The following ESR1 variants were observed in gnomAD, a reference collection of about 807,000 sequenced individuals.
ESR1 encodes the protein estrogen receptor 1, also known as estrogen receptor.
Under a neutral mutation model 52.7 loss-of-function variants are expected in ESR1, and 12 were observed. The observed-to-expected ratio is 0.23, with a 90% CI of 0.15 to 0.37. ESR1 has a LOEUF of 0.37. ESR1 is among the 10% of genes least tolerant of loss of function. ESR1 has a pLI of 1.00. For synonymous variants in ESR1, 305 were observed against 316.8 expected, an observed-to-expected ratio of 0.96 and a Z score of 0.39; for missense variants, 584 against 779.7, an observed-to-expected ratio of 0.75 and a Z score of 2.99.
intron 2 of ESR1, among the ~76,000 whole-genome samples, chr6:151,788,235 A>G (rs1373925241): frequency 6.6e-6 from 1 of 152,224 alleles, no homozygotes; most frequent in Non-Finnish European, 1.5e-5. Flanking sequence ...ACTATCCAGC[A>G]TCTATAAGGA....
At chr6:151,956,235 T>C (rs1389098986) in intron 4 of ESR1, among the ~76,000 whole-genome samples, 1 of 152,236 alleles carries the variant, frequency 6.6e-6, no homozygotes, top group Admixed American at 6.5e-5. Context: ...CCTTTGAGTA[T>C]ATACCCAGTA....
At chr6:151,988,478 C>A (rs560269711) in intron 4 of ESR1, among the ~76,000 whole-genome samples, 1 of 152,040 alleles carries the variant, frequency 6.6e-6, no homozygotes, top group South Asian at 2.1e-4. Flanking sequence ...TCCTGTTGGG[C>A]GGCCCAGTTC....
At chr6:151,692,290 C>T (rs1398202279) in intron 1 of ESR1, among the ~76,000 whole-genome samples, 1 of 152,224 alleles carries the variant, frequency 6.6e-6, no homozygotes, top group Non-Finnish European at 1.5e-5. Context: ...GTATTTACAT[C>T]AGGCATCTGC....
chr6:152,035,720 T>C (rs1184254489), intron 5 of ESR1, among the ~76,000 whole-genome samples: 1 of 152,114 alleles, frequency 6.6e-6, no homozygotes, highest in Non-Finnish European at 1.5e-5. Context: ...ATAAGCACAT[T>C]GACTAAATAA....
intron 6 of ESR1, among the ~76,000 whole-genome samples, chr6:152,117,047 C>T (rs563133134): frequency 1.3e-5 from 2 of 152,296 alleles, no homozygotes; most frequent in South Asian, 4.1e-4. Context: ...AGCCCTAGGG[C>T]TGAATGTGGT....
At chr6:152,020,071 GC>G in intron 5 of ESR1, among the ~76,000 whole-genome samples, 1 of 152,304 alleles carries the variant, frequency 6.6e-6, no homozygotes, top group East Asian at 1.9e-4. Flanking sequence ...GCCCTCACCA[GC>G]CTCTCATCAT....
At chr6:151,743,910 C>T (rs1387087464) in intron 2 of ESR1, among the ~76,000 whole-genome samples, 1 of 152,122 alleles carries the variant, frequency 6.6e-6, no homozygotes. Context: ...CCTTTAGTCA[C>T]TTCCCATTTC....
At chr6:151,841,687 C>T (rs1197224076) in intron 1 of ESR1, among the ~76,000 whole-genome samples, 1 of 151,706 alleles carries the variant, frequency 6.6e-6, no homozygotes, top group Non-Finnish European at 1.5e-5. Flanking sequence ...TTTTCAGTTT[C>T]CTTTCTGTGT....
downstream of ESR1, among the ~76,000 whole-genome samples, chr6:152,106,675 A>G (rs1294607303): frequency 6.6e-6 from 1 of 152,162 alleles, no homozygotes; most frequent in South Asian, 2.1e-4. Flanking sequence ...TGTAGCCTCC[A>G]TGTTCCAGGC....
intron 6 of ESR1, among the ~76,000 whole-genome samples, chr6:152,072,633 C>T (rs1562754099): frequency 6.6e-6 from 1 of 152,152 alleles, no homozygotes; most frequent in East Asian, 1.9e-4. Context: ...CCCGAAGGAC[C>T]AAGTGCTGTC....
chr6:151,810,951 G>A (rs1778738598), intron 1 of ESR1: 1 of 152,156 alleles, frequency 6.6e-6, no homozygotes, highest in Admixed American at 6.5e-5. Context: ...AATTAGGTTG[G>A]TGTCTTTAGT....
At chr6:151,968,084 T>C (rs1184963988) in intron 4 of ESR1, among the ~76,000 whole-genome samples, 2 of 152,098 alleles carry the variant, frequency 1.3e-5, no homozygotes, top group Admixed American at 6.6e-5. Context: ...CATAGACTGA[T>C]GGAACAGAAC....
chr6:152,037,195 G>A (rs1484624246), intron 5 of ESR1, among the ~76,000 whole-genome samples: 1 of 152,004 alleles, frequency 6.6e-6, no homozygotes, highest in East Asian at 1.9e-4. Context: ...CGTATGGTCG[G>A]GCCTAAAGCC....
At chr6:151,695,462 G>A (rs183976445) in intron 1 of ESR1, among the ~76,000 whole-genome samples, 75 of 152,276 alleles carry the variant, frequency 4.9e-4, no homozygotes, top group East Asian at 1.9e-4. Context: ...ATAGGAGAGT[G>A]CCACTGGCTT....
At chr6:151,762,023 C>A (rs1374112700) in intron 2 of ESR1, among the ~76,000 whole-genome samples, 2 of 152,226 alleles carry the variant, frequency 1.3e-5, no homozygotes, top group Middle Eastern at 3.2e-3. Flanking sequence ...CACATCAGAA[C>A]CCTCTGGGGA....
intron 1 of ESR1, among the ~76,000 whole-genome samples, chr6:151,698,880 C>T (rs571283016): frequency 1.3e-5 from 2 of 152,136 alleles, no homozygotes; most frequent in African/African-American, 2.4e-5. Context: ...TGCTCTTGTC[C>T]GTTTGACGGT....
chr6:151,962,768 T>G (rs1367851681), intron 4 of ESR1, among the ~76,000 whole-genome samples: 1 of 152,206 alleles, frequency 6.6e-6, no homozygotes. Flanking sequence ...CCTTTCAAGT[T>G]GGTTTTCTTT....
chr6:151,725,104 G>A (rs1022034001), intron 2 of ESR1, among the ~76,000 whole-genome samples: 8 of 152,070 alleles, frequency 5.3e-5, no homozygotes, highest in African/African-American at 9.7e-5. Context: ...GTGATCCCAC[G>A]GAATACTTTC....
At chr6:152,012,918 G>A (rs2042896560) in intron 5 of ESR1, among the ~76,000 whole-genome samples, 1 of 152,196 alleles carries the variant, frequency 6.6e-6, no homozygotes, top group Non-Finnish European at 1.5e-5. Flanking sequence ...CTGGAGCAGA[G>A]TTGCAGCAAA....
Sources: gnomAD v4.1 joint callset for allele counts (sites outside exome capture counted in the v4.1 genomes callset) on GRCh38, gnomAD v4.1.1 for gene constraint, MANE v1.5 for transcripts, NCBI Gene and HGNC (gene_info 2026-07-23, HGNC 2026-07-21) for gene names.